DGKK: variants seen among roughly 807,000 people sequenced by gnomAD.
The protein encoded by DGKK is 142 kDa diacylglycerol kinase.
DGKK carries 35 observed loss-of-function variants against 92.2 expected under a neutral mutation model. The observed-to-expected ratio is 0.38, with a 90% CI of 0.29 to 0.50. DGKK has a LOEUF of 0.50. DGKK is among the 20% of genes least tolerant of loss of function. DGKK has a pLI of 0.92. For missense variants in DGKK, 910 were observed against 992.2 expected, an observed-to-expected ratio of 0.92 and a Z score of 1.11; for synonymous variants, 368 against 360.6, an observed-to-expected ratio of 1.02 and a Z score of -0.23.
At chrX:50,405,352 T>A (rs1249930673) in intron 4 of DGKK, among the ~76,000 whole-genome samples, 1 of 111,870 alleles carries the variant, frequency 8.9e-6, no homozygotes, top group African/African-American at 3.3e-5. Context: ...TCTTACACCT[T>A]TTCACTAATT....
chrX:50,370,561 C>G lies in DGKK; in HGVS notation c.3613-12G>C, dbSNP rs782073603. ...TCCGAAGATTTTTCCTGAGAAACCA[C>G]AAGAGGAAGGTCAAAATGTTAGTTG... On this transcript the variant is annotated splice_polypyrimidine_tract_variant and intron_variant, in intron 26 of 27. Transcript: ENST00000611977. 1 of 1,191,555 alleles carries G rather than the reference C, an allele frequency of 8.4e-7. No individual in the cohort carries two copies. The highest frequency in any genetic ancestry group is 1.9e-5 in the South Asian group (1 of 53,775).
At chrX:50,414,141 A>G (rs968648114) in intron 4 of DGKK, among the ~76,000 whole-genome samples, 1 of 111,609 alleles carries the variant, frequency 9.0e-6, no homozygotes. Context: ...TCATTTATAT[A>G]TGGAATCTGA....
At chrX:50,464,445 T>C (rs1287876535) in intron 1 of DGKK, among the ~76,000 whole-genome samples, 1 of 110,556 alleles carries the variant, frequency 9.0e-6, no homozygotes, top group Non-Finnish European at 1.9e-5. Flanking sequence ...GGACCTATCC[T>C]TTAATATTTC....
rs1347302978 is a variant in DGKK, at chrX:50,367,889, G to A, written c.*1051C>T. On this transcript the variant is annotated 3_prime_UTR_variant, in exon 28 of 28. Coordinates refer to ENST00000611977, the MANE Select transcript of DGKK (RefSeq NM_001013742.4). Reference sequence around the variant, plus strand: ...CATAGATCCCAGCCACCTCTAAGACGCTGAAAATGCACCAAAAGATTTAGA... The same window carrying A: ...CATAGATCCCAGCCACCTCTAAGACACTGAAAATGCACCAAAAGATTTAGA... 3 of 109,738 alleles carry A rather than the reference G, an allele frequency of 2.7e-5. No homozygotes were observed. The highest frequency in any genetic ancestry group is 1.0e-4 in the African/African-American group (3 of 30,068). The allele number at this position is 109,738 out of a possible 1,213,427, so 9.0% of individuals were successfully genotyped here.
chrX:50,368,873 G>A lies in DGKK; in HGVS notation c.*67C>T. The stretch of plus-strand genomic sequence containing the variant: ...GTTCTGAAATGATTTAGTCTAGCCT[G>A]TATTGAGGTTTTGAGAGTTTTTTTA... On this transcript the variant is annotated 3_prime_UTR_variant, in exon 28 of 28. Coordinates refer to ENST00000611977, the MANE Select transcript of DGKK (RefSeq NM_001013742.4). 1 of 933,935 alleles carries A rather than the reference G, an allele frequency of 1.1e-6. No individual in the cohort carries two copies. 77.0% of individuals were successfully genotyped at this position (933,935 alleles called of 1,213,427 possible). A position where few individuals can be genotyped will look rare whatever the true frequency, so the allele number is the denominator to read the frequency against.
intron 1 of DGKK, among the ~76,000 whole-genome samples, chrX:50,432,993 GC>G (rs1265535709): frequency 3.6e-5 from 4 of 111,870 alleles, no homozygotes; most frequent in Non-Finnish European, 7.5e-5. Flanking sequence ...TGGTAACCTG[GC>G]CCTTGGTAAT....
intron 1 of DGKK, among the ~76,000 whole-genome samples, chrX:50,426,275 A>G (rs1455292710): frequency 2.7e-5 from 3 of 111,690 alleles, no homozygotes; most frequent in Non-Finnish European, 5.6e-5. Flanking sequence ...TGACTGTCAG[A>G]TATTTACACT....
At chrX:50,463,615 C>G (rs1305087957) in intron 1 of DGKK, among the ~76,000 whole-genome samples, 1 of 104,737 alleles carries the variant, frequency 9.5e-6, no homozygotes, top group Non-Finnish European at 2.0e-5. Flanking sequence ...CTTCCTCTCT[C>G]TGTTTCTCTC....
At chrX:50,404,254 TCTG>T (rs1925086920) in intron 4 of DGKK, 70 bp from the exon 5 acceptor site, 2 of 1,115,269 alleles carry the variant, frequency 1.8e-6, no homozygotes. Flanking sequence ...GGCCTGAAAA[TCTG>T]CTGCTAAGTC....
chrX:50,382,218 T>A (rs782459476), intron 18 of DGKK, among the ~76,000 whole-genome samples: 14 of 112,262 alleles, frequency 1.2e-4, no homozygotes, highest in Non-Finnish European at 2.4e-4. Flanking sequence ...CTAAATTGAG[T>A]CAACATAATC....
chrX:50,372,676 T>C (rs782465379), intron 25 of DGKK, among the ~76,000 whole-genome samples: 2 of 112,179 alleles, frequency 1.8e-5, no homozygotes, highest in South Asian at 7.5e-4. Flanking sequence ...ATGAACTTTG[T>C]ACAGTCCATG....
intron 4 of DGKK, among the ~76,000 whole-genome samples, chrX:50,413,305 A>G (rs782449612): frequency 8.9e-5 from 10 of 112,199 alleles, no homozygotes; most frequent in Non-Finnish European, 1.3e-4. Context: ...CTGGGCAAGG[A>G]TGTTTTGGCT....
At chrX:50,384,533 C>G (rs1042360383) in intron 16 of DGKK, among the ~76,000 whole-genome samples, 187 bp downstream of exon 16, 3 of 111,373 alleles carry the variant, frequency 2.7e-5, no homozygotes, top group Non-Finnish European at 5.7e-5. Flanking sequence ...TTCAATGTTC[C>G]TAATGGGGTC....
At chrX:50,431,084 T>C (rs1557230247) in intron 1 of DGKK, among the ~76,000 whole-genome samples, 1 of 110,721 alleles carries the variant, frequency 9.0e-6, no homozygotes, top group Non-Finnish European at 1.9e-5. Context: ...CAGGCTGAAG[T>C]GCAGTGGCGC....
intron 25 of DGKK, among the ~76,000 whole-genome samples, chrX:50,374,001 G>T (rs1296243120): frequency 8.9e-6 from 1 of 111,938 alleles, no homozygotes; most frequent in Admixed American, 9.4e-5. Flanking sequence ...ACCCTGGAGA[G>T]GTAGGGATTA....
chrX:50,437,281 C>G (rs782572844), intron 1 of DGKK, among the ~76,000 whole-genome samples: 1 of 111,357 alleles, frequency 9.0e-6, no homozygotes, highest in South Asian at 3.9e-4. Context: ...GAAACACCAT[C>G]CAGATCTGCA....
At chrX:50,414,327 A>T (rs910895219) in intron 4 of DGKK, among the ~76,000 whole-genome samples, 1 of 111,369 alleles carries the variant, frequency 9.0e-6, no homozygotes, top group Non-Finnish European at 1.9e-5. Context: ...ATTTTTAAAT[A>T]ATTAAGAGAG....
chrX:50,374,054 T>A (rs1202153262), intron 25 of DGKK, among the ~76,000 whole-genome samples: 1 of 111,379 alleles, frequency 9.0e-6, no homozygotes, highest in Non-Finnish European at 1.9e-5. Flanking sequence ...CCCAGAGAGG[T>A]GAAGTCACAC....
intron 1 of DGKK, among the ~76,000 whole-genome samples, chrX:50,437,522 C>T (rs1569544932): frequency 8.9e-6 from 1 of 112,058 alleles, no homozygotes; most frequent in Non-Finnish European, 1.9e-5. Context: ...TAACACCTAC[C>T]AGCCAGGGCT....
Sources: gnomAD v4.1 joint callset for allele counts (sites outside exome capture counted in the v4.1 genomes callset) on GRCh38, gnomAD v4.1.1 for gene constraint, MANE v1.5 for transcripts, NCBI Gene and HGNC (gene_info 2026-07-23, HGNC 2026-07-21) for gene names.